PTPRT: variants seen among roughly 807,000 people sequenced by gnomAD.
The protein encoded by PTPRT is receptor-type tyrosine-protein phosphatase T.
A neutral mutation model predicts 176.8 loss-of-function variants in PTPRT; 56 were observed. The ratio of observed to expected loss-of-function variants is 0.32; its 90% CI spans 0.26 to 0.40. PTPRT has a LOEUF of 0.40. PTPRT is among the 10% of genes least tolerant of loss of function. The pLI, the probability that PTPRT is intolerant of heterozygous loss-of-function variation, is 1.00. For missense variants in PTPRT, 1,540 were observed against 1,908.2 expected (o/e 0.81, Z 3.60); for synonymous variants, 783 against 739.0 (o/e 1.06, Z -0.96).
At position 42,891,220 on chromosome 20, in the gene PTPRT, A is replaced by G. The variant is rs371785604; in HGVS notation, c.89-5288T>C. On this transcript the variant is annotated intron_variant, in intron 1 of 30. Transcript: ENST00000373187. The stretch of plus-strand genomic sequence containing the variant: ...TTTAAGTGATCTCGACCTCACCACA[A>G]TCATTTTTGGGAGGAAGGAAACCCA... 3.8e-4 allele frequency among the ~76,000 whole-genome samples: 58 copies of G among 152,298 alleles called. 2 individuals carry two copies. The South Asian group carries it at 0.011, about 28-fold the overall frequency.
In PTPRT at chr20:43,158,194, G is replaced by T. The variant is rs562747335; in HGVS notation, c.88+31452C>A. On this transcript the variant is annotated intron_variant, in intron 1 of 30. Coordinates refer to ENST00000373187, the MANE Select transcript of PTPRT (RefSeq NM_007050.6). Reference sequence around the variant, plus strand: ...ACACATTGGACTTGCTGATGGATTCGATGTTGGTATGGGACATAGAGAGGA... The same window carrying T: ...ACACATTGGACTTGCTGATGGATTCTATGTTGGTATGGGACATAGAGAGGA... Among the ~76,000 whole-genome samples the T allele has an allele frequency of 2.0e-4, 31 of 152,206 alleles. 1 individual carries two copies. The South Asian group carries it at 4.8e-3, about 23-fold the overall frequency.
intron 7 of PTPRT, among the ~76,000 whole-genome samples, chr20:42,563,000 T>C (rs1196524151): frequency 1.3e-5 from 2 of 152,208 alleles, no homozygotes; most frequent in East Asian, 3.8e-4. Flanking sequence ...TTCATATTCT[T>C]GCTTTGGTTG....
intron 1 of PTPRT, among the ~76,000 whole-genome samples, chr20:42,930,343 C>A (rs150463592): frequency 8.5e-5 from 13 of 152,312 alleles, no homozygotes; most frequent in Non-Finnish European, 1.3e-4. Flanking sequence ...GGCCCCTGGA[C>A]ATTCAGCTCC....
chr20:42,552,162 C>A (rs936535564), intron 7 of PTPRT, among the ~76,000 whole-genome samples: 2 of 152,024 alleles, frequency 1.3e-5, no homozygotes, highest in East Asian at 1.9e-4. Flanking sequence ...AAGATGAGAC[C>A]AGATGAAGGA....
At chr20:42,237,094 C>T (rs1269904667) in intron 14 of PTPRT, among the ~76,000 whole-genome samples, 1 of 152,158 alleles carries the variant, frequency 6.6e-6, no homozygotes, top group East Asian at 1.9e-4. Context: ...CCACCAGCCC[C>T]CAGCCATTTT....
intron 6 of PTPRT, among the ~76,000 whole-genome samples, chr20:42,739,158 T>G (rs1185947547): frequency 2.0e-5 from 3 of 152,160 alleles, no homozygotes; most frequent in Admixed American, 1.3e-4. Context: ...TGCCACACAT[T>G]TGTGCAGGCT....
At chr20:42,616,492 G>T (rs1441683650) in intron 7 of PTPRT, among the ~76,000 whole-genome samples, 2 of 128,934 alleles carry the variant, frequency 1.6e-5, no homozygotes, top group South Asian at 2.4e-4. Context: ...TTGGTAGCTT[G>T]ATGGGGATGG....
At chr20:42,604,943 G>A (rs2073847573) in intron 7 of PTPRT, among the ~76,000 whole-genome samples, 1 of 152,182 alleles carries the variant, frequency 6.6e-6, no homozygotes, top group Admixed American at 6.5e-5. Flanking sequence ...CCCAGTCCAG[G>A]GGTTTGTGTT....
At chr20:42,672,329 T>C (rs761928222) in intron 7 of PTPRT, among the ~76,000 whole-genome samples, 63 of 152,352 alleles carry the variant, frequency 4.1e-4, no homozygotes, top group Admixed American at 6.5e-4. Context: ...GGATGCTTCC[T>C]GTCCTTGTAC....
At chr20:42,350,228 T>TGTTTTTTTG (rs745693310) in intron 11 of PTPRT, among the ~76,000 whole-genome samples, 1 of 118,068 alleles carries the variant, frequency 8.5e-6, no homozygotes, top group Non-Finnish European at 1.7e-5. Flanking sequence ...TTTTTTTTTT[T>TGTTTTTTTG]TTTTTTTTTT....
At position 43,189,611 on chromosome 20, in the gene PTPRT, CGGGGAGCCCA is replaced by C. The variant is rs1304478835; in HGVS notation, c.88+25_88+34del. The C allele has an allele frequency of 1.6e-6, 2 of 1,213,526 alleles. No homozygotes were observed. Among genetic ancestry groups the C allele is most frequent in the Non-Finnish European group, 2.1e-6 (2 of 970,576 alleles). 75.2% of individuals were successfully genotyped at this position (1,213,526 alleles called of 1,614,324 possible). A position where few individuals can be genotyped will look rare whatever the true frequency, so the allele number is the denominator to read the frequency against. ...GGGCCCGCGCGCATCCAGGAGGGAG[CGGGGAGCCCA>C]GGGGAGCCGGGCGGGCGCACTCACC... On this transcript the variant is annotated intron_variant, in intron 1 of 30. Transcript: ENST00000373187. The surrounding 1 kb of genome is among the most constrained non-coding windows in gnomAD (Gnocchi z 5.0).
intron 15 of PTPRT, among the ~76,000 whole-genome samples, chr20:42,235,854 A>G (rs920420505): frequency 6.6e-6 from 1 of 152,162 alleles, no homozygotes; most frequent in Non-Finnish European, 1.5e-5. Context: ...CCAAGTAAAA[A>G]CACATGGATT....
chr20:42,053,336 A>G, the PTPRT span, among the ~76,000 whole-genome samples: 1 of 152,192 alleles, frequency 6.6e-6, no homozygotes. Context: ...CAATGACAAC[A>G]CAATTGGAGC....
At chr20:43,179,537 C>A (rs2146478048) in intron 1 of PTPRT, among the ~76,000 whole-genome samples, 1 of 152,242 alleles carries the variant, frequency 6.6e-6, no homozygotes, top group Middle Eastern at 3.4e-3. Flanking sequence ...TGTAGTCTTA[C>A]AAAAACACAG....
intron 9 of PTPRT, among the ~76,000 whole-genome samples, chr20:42,431,010 T>C (rs2059211581): frequency 6.6e-6 from 1 of 152,204 alleles, no homozygotes; most frequent in African/African-American, 2.4e-5. Context: ...AACCCAGTAA[T>C]TTCATGTTCG....
chr20:42,932,548 C>G (rs1979928028), intron 1 of PTPRT, among the ~76,000 whole-genome samples: 1 of 152,154 alleles, frequency 6.6e-6, no homozygotes, highest in Admixed American at 6.5e-5. Flanking sequence ...GTCTCCCACC[C>G]TAGGTAGCAT....
intron 16 of PTPRT, among the ~76,000 whole-genome samples, chr20:42,175,616 T>C (rs1990259084): frequency 6.6e-6 from 1 of 152,170 alleles, no homozygotes; most frequent in South Asian, 2.1e-4. Flanking sequence ...GTGTATGCAA[T>C]TGTTGAACTC....
chr20:43,008,450 G>A (rs1984964035), intron 1 of PTPRT, among the ~76,000 whole-genome samples: 2 of 152,168 alleles, frequency 1.3e-5, no homozygotes, highest in South Asian at 4.2e-4. Flanking sequence ...CACTTTGGGA[G>A]GCCAAGGAGG....
At position 42,112,230 on chromosome 20, in the gene PTPRT, T is replaced by C. The variant is rs369114770; in HGVS notation, c.3100-1743A>G. On this transcript the variant is annotated intron_variant, in intron 22 of 30. Coordinates refer to ENST00000373187, the MANE Select transcript of PTPRT (RefSeq NM_007050.6). ...ATCGGGGGTTGCAGAGAGGGCACTATTGGTGCCCACTCAGATCCCCATCAC... is the reference window on the plus strand; with the variant it reads ...ATCGGGGGTTGCAGAGAGGGCACTACTGGTGCCCACTCAGATCCCCATCAC... Among the ~76,000 whole-genome samples the C allele has an allele frequency of 1.3e-4, 20 of 152,278 alleles. No individual in the cohort carries two copies. The East Asian group carries it at 1.9e-3, about 15-fold the overall frequency.
Sources: gnomAD v4.1 joint callset for allele counts (sites outside exome capture counted in the v4.1 genomes callset) on GRCh38, gnomAD v4.1.1 for gene constraint, Gnocchi (gnomAD v3.1) non-coding constraint, MANE v1.5 for transcripts, NCBI Gene and HGNC (gene_info 2026-07-23, HGNC 2026-07-21) for gene names.